ZPBP: variants seen among roughly 807,000 people sequenced by gnomAD.
ZPBP encodes the protein zona pellucida binding protein.
In ZPBP, 26 loss-of-function variants were observed where a neutral mutation model predicts 44.8. That is an observed-to-expected ratio of 0.58 (90% confidence interval 0.43 to 0.81). The LOEUF (loss-of-function observed/expected upper bound fraction) is 0.81. Among genes scored for constraint, ZPBP ranks in the 30% least tolerant of loss-of-function variants. The probability of loss-of-function intolerance (pLI) is 0.00; values close to 1 mark genes in which losing one functional copy is unlikely to be tolerated. For synonymous variants in ZPBP, 174 were observed against 153.2 expected, an observed-to-expected ratio of 1.14 and a Z score of -1.00; for missense variants, 409 against 434.0, an observed-to-expected ratio of 0.94 and a Z score of 0.51.
intron 6 of ZPBP, among the ~76,000 whole-genome samples, chr7:49,992,872 C>A (rs1797631275): frequency 6.6e-6 from 1 of 151,828 alleles, no homozygotes; most frequent in Non-Finnish European, 1.5e-5. Flanking sequence ...CGAAGAAAAG[C>A]AAATAAATAA....
At chr7:49,906,704 C>T (rs1323830332) in intron 1 of ZPBP, among the ~76,000 whole-genome samples, 2 of 152,206 alleles carry the variant, frequency 1.3e-5, no homozygotes, top group Admixed American at 1.3e-4. Context: ...TTCTTTTAAT[C>T]ACAGCAGTGG....
chr7:50,031,983 A>G (rs1303362053), intron 4 of ZPBP, among the ~76,000 whole-genome samples: 1 of 152,178 alleles, frequency 6.6e-6, no homozygotes, highest in African/African-American at 2.4e-5. Context: ...TACTTCTGTC[A>G]AACAAGGGAG....
Position 50,018,277 on chromosome 7 carries a change from G to A in ZPBP, c.746C>T (p.Thr249Ile). 1 of 1,610,632 alleles carries A rather than the reference G, an allele frequency of 6.2e-7. No homozygotes were observed. ...TTTGTAAGGTTCACAGTTATGGTCT[G>A]TACATCGCTTGGGTCCTTTTTCAGT... ...LDTEKGPKRC[T>I]DHNCEPYKRL... The change falls in exon 6 of 8, where the codon ACA (threonine) becomes ATA (isoleucine). Residue 249 changes from threonine to isoleucine, a missense_variant. Transcript: ENST00000046087.
intron 7 of ZPBP, among the ~76,000 whole-genome samples, chr7:49,946,691 G>A (rs796739163): frequency 4.6e-5 from 7 of 152,164 alleles, no homozygotes; most frequent in African/African-American, 1.7e-4. Context: ...CTGGGTTAAA[G>A]TTGCTTGGTG....
At chr7:49,899,060 G>T (rs1480255495) in intron 2 of ZPBP, among the ~76,000 whole-genome samples, 1 of 151,848 alleles carries the variant, frequency 6.6e-6, no homozygotes, top group African/African-American at 2.4e-5. Context: ...TTTTCAAAGG[G>T]GATCAAAAAC....
chr7:50,084,837 A>G (rs1802554224), intron 2 of ZPBP, among the ~76,000 whole-genome samples: 1 of 152,114 alleles, frequency 6.6e-6, no homozygotes, highest in African/African-American at 2.4e-5. Context: ...AAGGAACTCC[A>G]AAAATTACCT....
intron 5 of ZPBP, among the ~76,000 whole-genome samples, chr7:50,022,695 G>T (rs888022007): frequency 1.3e-5 from 2 of 151,972 alleles, no homozygotes; most frequent in African/African-American, 4.8e-5. Flanking sequence ...AAAAAAATCC[G>T]CAACTTTTCT....
At chr7:49,851,630 C>A (rs1216885848) in intron 2 of ZPBP, among the ~76,000 whole-genome samples, 2 of 152,128 alleles carry the variant, frequency 1.3e-5, no homozygotes, top group Non-Finnish European at 2.9e-5. Context: ...GAGGCCGAGG[C>A]GGGTGGATCA....
intron 6 of ZPBP, among the ~76,000 whole-genome samples, chr7:49,998,597 C>T (rs1337170995): frequency 6.6e-6 from 1 of 152,170 alleles, no homozygotes; most frequent in East Asian, 1.9e-4. Context: ...TCAATAAATA[C>T]TTCCTGCTAC....
intron 3 of ZPBP, among the ~76,000 whole-genome samples, chr7:50,067,463 T>C (rs1801574894): frequency 6.6e-6 from 1 of 152,224 alleles, no homozygotes; most frequent in South Asian, 2.1e-4. Context: ...TCAGAGATAT[T>C]AGCTCTGCTT....
At chr7:49,985,588 A>G (rs1427911407) in intron 6 of ZPBP, among the ~76,000 whole-genome samples, 2 of 151,434 alleles carry the variant, frequency 1.3e-5, no homozygotes, top group African/African-American at 4.9e-5. Flanking sequence ...ACACATTCCT[A>G]ATCACTCAGA....
intron 3 of ZPBP, among the ~76,000 whole-genome samples, chr7:50,081,318 T>C (rs1802339765): frequency 6.6e-6 from 1 of 151,768 alleles, no homozygotes; most frequent in Non-Finnish European, 1.5e-5. Flanking sequence ...TTAATCTATA[T>C]TTTTTGCAAG....
intron 3 of ZPBP, 48 bp from the exon 4 acceptor site, chr7:50,058,189 A>G (rs370027535): frequency 6.3e-7 from 1 of 1,593,278 alleles, no homozygotes; most frequent in Non-Finnish European, 8.6e-7. Context: ...ACATGAGACA[A>G]GTACCAAAAC....
chr7:50,007,787 G>A (rs1182009845), intron 6 of ZPBP, among the ~76,000 whole-genome samples: 5 of 151,982 alleles, frequency 3.3e-5, no homozygotes, highest in Middle Eastern at 3.4e-3. Flanking sequence ...TTTTTCAACC[G>A]ATGTAGAAAA....
rs576850393 is a variant in ZPBP, at chr7:49,921,555, T to C, written n.411+14196A>G. On this transcript the variant is annotated intron_variant and non_coding_transcript_variant, in intron 1 of 2. Coordinates refer to the ZPBP transcript ENST00000465922. Reference sequence around the variant, plus strand: ...TAACTCAGATTGCTCATCAGTAACATGGGGAGAGTGGTATCAACCACTAAG... The same window carrying C: ...TAACTCAGATTGCTCATCAGTAACACGGGGAGAGTGGTATCAACCACTAAG... The C allele has an allele frequency of 8.5e-5, 13 of 152,240 alleles. No individual in the cohort carries two copies. The East Asian group carries it at 2.5e-3, about 29-fold the overall frequency. The allele number at this position is 152,240 out of a possible 1,614,324, so 9.4% of individuals were successfully genotyped here.
At chr7:49,985,253 G>A (rs1253386450) in intron 6 of ZPBP, among the ~76,000 whole-genome samples, 2 of 152,110 alleles carry the variant, frequency 1.3e-5, no homozygotes, top group Non-Finnish European at 1.5e-5. Context: ...TTATTTCAAT[G>A]TTTAATATTA....
downstream of ZPBP, among the ~76,000 whole-genome samples, chr7:49,848,048 G>A (rs1790023297): frequency 1.3e-5 from 2 of 152,222 alleles, no homozygotes; most frequent in Non-Finnish European, 2.9e-5. Context: ...ACATGGGTGG[G>A]AAGTCGGAAG....
At chr7:50,068,637 A>C (rs1584163469) in intron 3 of ZPBP, among the ~76,000 whole-genome samples, 1 of 151,984 alleles carries the variant, frequency 6.6e-6, no homozygotes, top group East Asian at 1.9e-4. Context: ...CTAGTAAATT[A>C]GCCTTTTTAA....
At chr7:50,081,517 G>A (rs1472884) in intron 3 of ZPBP, among the ~76,000 whole-genome samples, 125,180 of 151,056 alleles carry the variant, frequency 0.83, 51,899 homozygotes, top group East Asian at 0.88. Flanking sequence ...TTTTAAGTGA[G>A]AAAAAGTAAC....
Sources: gnomAD v4.1 joint callset for allele counts (sites outside exome capture counted in the v4.1 genomes callset) on GRCh38, gnomAD v4.1.1 for gene constraint, MANE v1.5 for transcripts, NCBI Gene and HGNC (gene_info 2026-07-23, HGNC 2026-07-21) for gene names.